Variants in DPYSL2 observed in about 807,000 individuals in gnomAD.
DPYSL2 encodes the protein dihydropyrimidinase-related protein 2.
Under a neutral mutation model 69.9 loss-of-function variants are expected in DPYSL2, and 13 were observed. That is an observed-to-expected ratio of 0.19 (90% confidence interval 0.12 to 0.30). The LOEUF (loss-of-function observed/expected upper bound fraction) is 0.30, where lower values mean the gene tolerates loss of function less well. Among genes scored for constraint, DPYSL2 ranks in the 10% least tolerant of loss-of-function variants. The pLI, the probability that DPYSL2 is intolerant of heterozygous loss-of-function variation, is 1.00. For missense variants in DPYSL2, 587 were observed against 918.9 expected, an observed-to-expected ratio of 0.64 and a Z score of 4.67; for synonymous variants, 326 against 359.1, an observed-to-expected ratio of 0.91 and a Z score of 1.04.
In DPYSL2 at chr8:26,657,396, T is replaced by C. The variant is rs1222906187; in HGVS notation, c.*1690T>C. ...CGTGTTTACAGGTTCTCTTAAGCAA[T>C]GTTGTATTTGCAGGCTTTTCTGAAT... On this transcript the variant is annotated 3_prime_UTR_variant, in exon 14 of 14. Transcript: ENST00000521913. The C allele has an allele frequency of 2.0e-5, 3 of 152,660 alleles. No homozygotes were observed. Among genetic ancestry groups the C allele is most frequent in the Non-Finnish European group, 2.9e-5 (2 of 68,036 alleles). 9.5% of individuals were successfully genotyped at this position (152,660 alleles called of 1,614,324 possible).
intron 1 of DPYSL2, among the ~76,000 whole-genome samples, chr8:26,559,910 C>A (rs1433863128): frequency 6.6e-6 from 1 of 152,048 alleles, no homozygotes; most frequent in African/African-American, 2.4e-5. Context: ...GGGAGGAGCC[C>A]CCTGTGATGT....
chr8:26,620,115 C>G lies in DPYSL2; in HGVS notation c.629-4028C>G, dbSNP rs914907051. ...GGGAGTGACTGCAGGTGGGTACAGCCTTTCTTTTTTGGTGATGTTCTAAAT... is the reference window on the plus strand; with the variant it reads ...GGGAGTGACTGCAGGTGGGTACAGCGTTTCTTTTTTGGTGATGTTCTAAAT... On this transcript the variant is annotated intron_variant, in intron 3 of 13. Coordinates refer to ENST00000521913, the MANE Select transcript of DPYSL2 (RefSeq NM_001197293.3). The surrounding 1 kb of genome is among the most constrained non-coding windows in gnomAD (Gnocchi z 4.5). The G allele has an allele frequency of 6.6e-6, 1 of 151,426 alleles. No individual in the cohort carries two copies. The highest frequency in any genetic ancestry group is 2.4e-5 in the African/African-American group (1 of 40,940). 9.4% of individuals were successfully genotyped at this position (151,426 alleles called of 1,614,324 possible). A position where few individuals can be genotyped will look rare whatever the true frequency, so the allele number is the denominator to read the frequency against.
chr8:26,602,644 A>G (rs1255438502), intron 3 of DPYSL2, among the ~76,000 whole-genome samples: 6 of 152,178 alleles, frequency 3.9e-5, no homozygotes, highest in Non-Finnish European at 5.9e-5. Context: ...TCACCTATTC[A>G]TTCCTTCATC....
Position 26,641,536 on chromosome 8 carries a change from G to A in DPYSL2, c.1127-1903G>A, listed in dbSNP as rs1186935570. ...GCATTTTATAAAGGTCTTTGGCAGCGGCCAAGGCCTTCTCATTATGTGGTG... is the reference window on the plus strand; with the variant it reads ...GCATTTTATAAAGGTCTTTGGCAGCAGCCAAGGCCTTCTCATTATGTGGTG... On this transcript the variant is annotated intron_variant, in intron 8 of 13. Coordinates refer to ENST00000521913, the MANE Select transcript of DPYSL2 (RefSeq NM_001197293.3). The surrounding 1 kb of genome is among the most constrained non-coding windows in gnomAD (Gnocchi z 4.1). 2.0e-5 allele frequency among the ~76,000 whole-genome samples: 3 copies of A among 152,224 alleles called. No homozygotes were observed. The highest frequency in any genetic ancestry group is 2.4e-5 in the African/African-American group (1 of 41,464).
At chr8:26,558,641 A>G (rs990572077) in intron 1 of DPYSL2, among the ~76,000 whole-genome samples, 1 of 152,238 alleles carries the variant, frequency 6.6e-6, no homozygotes, top group South Asian at 2.1e-4. Context: ...CATATGTATC[A>G]CACTAATGCA....
At position 26,609,573 on chromosome 8, in the gene DPYSL2, C is replaced by G. The variant is rs1053062530; in HGVS notation, c.629-14570C>G. Among the ~76,000 whole-genome samples, 1 of 152,142 alleles carries G rather than the reference C, an allele frequency of 6.6e-6. No individual in the cohort carries two copies. Among genetic ancestry groups the G allele is most frequent in the Non-Finnish European group, 1.5e-5 (1 of 68,028 alleles). ...GGCAAGCCAACTCTGAATCTGTGGT[C>G]CCGTAGCCCCAGGCAACCAAAAGCT... On this transcript the variant is annotated intron_variant, in intron 3 of 13. Coordinates refer to ENST00000521913, the MANE Select transcript of DPYSL2 (RefSeq NM_001197293.3). The surrounding 1 kb of genome is among the most constrained non-coding windows in gnomAD (Gnocchi z 6.5).
rs552432643 is a variant in DPYSL2, at chr8:26,620,206, C to T, written c.629-3937C>T. On this transcript the variant is annotated intron_variant, in intron 3 of 13. Coordinates refer to ENST00000521913, the MANE Select transcript of DPYSL2 (RefSeq NM_001197293.3). The surrounding 1 kb of genome is among the most constrained non-coding windows in gnomAD (Gnocchi z 4.5). ...TTGAGCCTTGCAATGGGAATGAGTG[C>T]CTTGGCCTAAGGAGAAGGGAAGAAA... is the stretch of plus-strand genomic sequence containing the variant. Among the ~76,000 whole-genome samples the T allele has an allele frequency of 2.4e-4, 36 of 151,888 alleles. No homozygotes were observed. The highest frequency in any genetic ancestry group is 4.6e-4 in the Non-Finnish European group (31 of 68,010).
chr8:26,568,248 C>T (rs1460651026), intron 1 of DPYSL2, among the ~76,000 whole-genome samples: 1 of 152,122 alleles, frequency 6.6e-6, no homozygotes, highest in Non-Finnish European at 1.5e-5. Context: ...TGGAGAGCCC[C>T]CAGCCCAAGC....
At position 26,616,523 on chromosome 8, in the gene DPYSL2, C is replaced by T. The variant is rs905022329; in HGVS notation, c.629-7620C>T. On this transcript the variant is annotated intron_variant, in intron 3 of 13. Coordinates refer to ENST00000521913, the MANE Select transcript of DPYSL2 (RefSeq NM_001197293.3). ...AAAAAGGGAGAGGCTGATTCACACA[C>T]ATTGAAAAGCAGGGAATGGTGCTGG... is the stretch of plus-strand genomic sequence containing the variant. 5.9e-5 allele frequency among the ~76,000 whole-genome samples: 9 copies of T among 152,192 alleles called. No homozygotes were observed. The East Asian group carries it at 1.7e-3, about 29-fold the overall frequency.
intron 3 of DPYSL2, among the ~76,000 whole-genome samples, chr8:26,601,360 T>A (rs189119998): frequency 3.9e-5 from 6 of 152,076 alleles, no homozygotes; most frequent in Admixed American, 2.0e-4. Context: ...CTGGGCCCTC[T>A]CTTTTTTTGT....
intron 1 of DPYSL2, among the ~76,000 whole-genome samples, chr8:26,545,051 T>C (rs1800743513): frequency 6.6e-6 from 1 of 152,148 alleles, no homozygotes. Context: ...TTGACAGCAA[T>C]ACATTAATAG....
Position 26,558,215 on chromosome 8 carries a change from A to G in DPYSL2, c.355-23754A>G, listed in dbSNP as rs1243386221. Among the ~76,000 whole-genome samples the G allele has an allele frequency of 2.6e-5, 4 of 152,182 alleles. No individual in the cohort carries two copies. In the East Asian group the frequency reaches 7.7e-4, roughly 29 times the overall value. ...AAGATGTCCATGAGTAGGTGAATGG[A>G]TAAACAACCTGTGGTACATTCAGAC... On this transcript the variant is annotated intron_variant, in intron 1 of 13. Transcript: ENST00000521913.
At chr8:26,535,635 A>T (rs63504760) in intron 1 of DPYSL2, among the ~76,000 whole-genome samples, 5,161 of 145,842 alleles carry the variant, frequency 0.035, 216 homozygotes, top group African/African-American at 0.11. Context: ...ATATATATAT[A>T]TTTTTTTTTT....
At chr8:26,573,212 A>G (rs1464500976) in intron 1 of DPYSL2, among the ~76,000 whole-genome samples, 1 of 152,192 alleles carries the variant, frequency 6.6e-6, no homozygotes, top group Non-Finnish European at 1.5e-5. Flanking sequence ...GGAGGCTGCC[A>G]AGAAGGAAGG....
rs34204302 is a variant in DPYSL2 at position 26,626,401 on chromosome 8, T to A, written c.794-216T>A. On this transcript the variant is annotated intron_variant, in intron 4 of 13. Coordinates refer to ENST00000521913, the MANE Select transcript of DPYSL2 (RefSeq NM_001197293.3). The surrounding 1 kb of genome is among the most constrained non-coding windows in gnomAD (Gnocchi z 4.3). ...CATCCTTGTGCCTCTTCCTCCCACATTCACAGGTTATTTATATGGTACTCT... is the reference window on the plus strand; with the variant it reads ...CATCCTTGTGCCTCTTCCTCCCACAATCACAGGTTATTTATATGGTACTCT... Among the ~76,000 whole-genome samples the A allele has an allele frequency of 0.021, 3,187 of 152,026 alleles. 51 individuals are homozygous for A. Among genetic ancestry groups the A allele is most frequent in the Non-Finnish European group, 0.031 (2,098 of 67,986 alleles).
rs768910245 is a variant in DPYSL2 at position 26,657,954 on chromosome 8, T to C, written c.*2248T>C. 1 of 152,624 alleles carries C rather than the reference T, an allele frequency of 6.6e-6. No homozygotes were observed. The highest frequency in any genetic ancestry group is 1.5e-5 in the Non-Finnish European group (1 of 68,036). 9.5% of individuals were successfully genotyped at this position (152,624 alleles called of 1,614,324 possible). A position where few individuals can be genotyped will look rare whatever the true frequency, so the allele number is the denominator to read the frequency against. ...AAACAGTGTAGGATTTAAGAATAGA[T>C]GGTTTTTAATCCTGGAAATTGTGAT... On this transcript the variant is annotated 3_prime_UTR_variant, in exon 14 of 14. Transcript: ENST00000521913.
In DPYSL2 at chr8:26,643,479, A is replaced by C; in HGVS notation, c.1167A>C (p.Gly389=). The C allele has an allele frequency of 6.2e-7, 1 of 1,610,130 alleles. No homozygotes were observed. Among genetic ancestry groups the C allele is most frequent in the Non-Finnish European group, 8.5e-7 (1 of 1,178,018 alleles). ...VYGEPITASL[G]TDGSHYWSKN... ...GCGAGCCCATCACTGCCAGCTTGGG[A>C]ACGGACGGCTCCCATTACTGGAGCA... The change falls in exon 9 of 14, where the codon GGA becomes GGC. Residue 389 remains glycine, a synonymous_variant. Coordinates refer to ENST00000521913, the MANE Select transcript of DPYSL2 (RefSeq NM_001197293.3). The surrounding 1 kb of genome is among the most constrained non-coding windows in gnomAD (Gnocchi z 6.5).
intron 1 of DPYSL2, among the ~76,000 whole-genome samples, chr8:26,549,934 A>C (rs1325094916): frequency 6.6e-6 from 1 of 152,234 alleles, no homozygotes; most frequent in Non-Finnish European, 1.5e-5. Flanking sequence ...AGAGAGAAGG[A>C]AAATGACATA....
intron 7 of DPYSL2, among the ~76,000 whole-genome samples, chr8:26,631,033 A>C (rs1476347677): frequency 1.3e-5 from 2 of 152,006 alleles, no homozygotes; most frequent in African/African-American, 4.8e-5. Context: ...TGAGACCCTC[A>C]CTCTTCAAGT....
Sources: gnomAD v4.1 joint callset for allele counts (sites outside exome capture counted in the v4.1 genomes callset) on GRCh38, gnomAD v4.1.1 for gene constraint, Gnocchi (gnomAD v3.1) non-coding constraint, MANE v1.5 for transcripts, NCBI Gene and HGNC (gene_info 2026-07-23, HGNC 2026-07-21) for gene names.